The following MRPS25 variants were observed in gnomAD, a reference collection of about 807,000 sequenced individuals.
MRPS25 encodes mitochondrial ribosomal protein S25.
MRPS25 carries 15 observed loss-of-function variants against 17.3 expected under a neutral mutation model. That is an observed-to-expected ratio of 0.87 (90% confidence interval 0.58 to 1.34). MRPS25 has a LOEUF of 1.34. MRPS25 is among the 40% of genes most tolerant of loss of function. The pLI is 0.00. For missense variants in MRPS25, 225 were observed against 218.6 expected (o/e 1.03, Z -0.19); for synonymous variants, 94 against 83.3 (o/e 1.13, Z -0.70).
chr3:15,052,467 C>T lies in MRPS25; in HGVS notation c.496G>A (p.Ala166Thr), dbSNP rs750455782. 15 of 1,613,896 alleles carry T rather than the reference C, an allele frequency of 9.3e-6. No homozygotes were observed. Among genetic ancestry groups the T allele is most frequent in the Admixed American group, 5.0e-5 (3 of 60,008 alleles). ...PKEMRGKYKA[A>T]LKADAQD ...TAGTCCTGGGCATCGGCTTTCAGAG[C>T]GGCTTTGTACTTCCCCCTCATCTCC... The change falls in exon 4 of 4, where the codon GCT becomes ACT. Residue 166 changes from alanine (A) to threonine (T), a missense_variant. Coordinates refer to ENST00000253686, the MANE Select transcript of MRPS25 (RefSeq NM_022497.5).
intron 2 of MRPS25, among the ~76,000 whole-genome samples, chr3:15,058,283 A>G (rs1167682478): frequency 2.6e-5 from 4 of 151,918 alleles, no homozygotes; most frequent in South Asian, 2.1e-4. Context: ...TCCGCCTCCC[A>G]GGTTCACACC....
intron 1 of MRPS25, among the ~76,000 whole-genome samples, chr3:15,064,014 G>A (rs966005584): frequency 6.6e-6 from 1 of 152,178 alleles, no homozygotes; most frequent in East Asian, 1.9e-4. Flanking sequence ...ATTCACCTGC[G>A]CAGAGCAAAT....
chr3:15,054,108 T>C (rs940108529), intron 2 of MRPS25, among the ~76,000 whole-genome samples: 8 of 151,478 alleles, frequency 5.3e-5, no homozygotes, highest in African/African-American at 1.9e-4. Context: ...TACAAAAAAT[T>C]AGCTGGGAGG....
At chr3:15,054,324 AG>A (rs1382727443) in intron 2 of MRPS25, among the ~76,000 whole-genome samples, 2 of 152,266 alleles carry the variant, frequency 1.3e-5, no homozygotes, top group Non-Finnish European at 2.9e-5. Flanking sequence ...AATTCAATGA[AG>A]AAAGATAATC....
At chr3:15,061,974 G>C (rs1487161176) in intron 1 of MRPS25, among the ~76,000 whole-genome samples, 1 of 147,902 alleles carries the variant, frequency 6.8e-6, no homozygotes, top group Non-Finnish European at 1.5e-5. Flanking sequence ...GAGCCCCTCC[G>C]CCCGGCAGCC....
intron 1 of MRPS25, among the ~76,000 whole-genome samples, chr3:15,061,536 G>A (rs1190616339): frequency 6.6e-6 from 1 of 152,224 alleles, no homozygotes; most frequent in Non-Finnish European, 1.5e-5. Flanking sequence ...TGCCCAGGCT[G>A]GAGTGCAGTG....
chr3:15,046,297 T>A (rs936461341), downstream of MRPS25: 2 of 152,234 alleles, frequency 1.3e-5, no homozygotes, highest in African/African-American at 2.4e-5. Flanking sequence ...ATTGTCAGTA[T>A]TGAATGTGGA....
At position 15,049,252 on chromosome 3, in the gene MRPS25, T is replaced by C. The variant is rs1188718157; in HGVS notation, c.*3189A>G. Reference sequence around the variant, plus strand: ...TACTACCTAAATGAGGTTTATACTATTAAAAGTGAATTAAAGACTAACATG... The same window carrying C: ...TACTACCTAAATGAGGTTTATACTACTAAAAGTGAATTAAAGACTAACATG... On this transcript the variant is annotated 3_prime_UTR_variant, in exon 4 of 4. Transcript: ENST00000253686. 1 of 152,754 alleles carries C rather than the reference T, an allele frequency of 6.5e-6. No individual in the cohort carries two copies. The highest frequency in any genetic ancestry group is 2.4e-5 in the African/African-American group (1 of 41,458). 9.5% of individuals were successfully genotyped at this position (152,754 alleles called of 1,614,324 possible).
chr3:15,052,711 A>ACC, intron 3 of MRPS25, 78 bp from the exon 4 acceptor site: 1 of 1,454,294 alleles, frequency 6.9e-7, no homozygotes, highest in Non-Finnish European at 9.4e-7. Flanking sequence ...AGCCGAGACA[A>ACC]CCCCACCATC....
intron 2 of MRPS25, 97 bp downstream of exon 2, chr3:15,059,272 G>C: frequency 2.4e-6 from 2 of 835,682 alleles, no homozygotes; most frequent in South Asian, 2.9e-5. Context: ...CCATGACAGC[G>C]CACACTGCAG....
intron 2 of MRPS25, among the ~76,000 whole-genome samples, chr3:15,057,129 C>T (rs945394086): frequency 6.6e-6 from 1 of 152,226 alleles, no homozygotes; most frequent in African/African-American, 2.4e-5. Flanking sequence ...GCTGACAGCC[C>T]TGTGGAGTAC....
intron 1 of MRPS25, among the ~76,000 whole-genome samples, chr3:15,064,000 T>C (rs968023630): frequency 1.3e-5 from 2 of 152,178 alleles, no homozygotes; most frequent in Non-Finnish European, 2.9e-5. Context: ...GTCCAAGTTA[T>C]CAGATTCACC....
chr3:15,057,149 C>T (rs1464602644), intron 2 of MRPS25, among the ~76,000 whole-genome samples: 1 of 152,248 alleles, frequency 6.6e-6, no homozygotes, highest in East Asian at 1.9e-4. Context: ...CTGCTGGGAT[C>T]TGCGCAGCAC....
At chr3:15,042,773 G>C, downstream of MRPS25, 1 of 1,521,642 alleles carries the variant, frequency 6.6e-7, no homozygotes, top group South Asian at 1.2e-5. Context: ...AGGAGCCTTT[G>C]CTGAGCTGTG....
rs2042573773 is a variant in MRPS25, at chr3:15,049,669, A to C, written c.*2772T>G. 1.9e-6 allele frequency: 1 copy of C among 538,608 alleles called. No individual in the cohort carries two copies. The highest frequency in any genetic ancestry group is 3.2e-6 in the Non-Finnish European group (1 of 311,030). 33.4% of individuals were successfully genotyped at this position (538,608 alleles called of 1,614,324 possible). A position where few individuals can be genotyped will look rare whatever the true frequency, so the allele number is the denominator to read the frequency against. The stretch of plus-strand genomic sequence containing the variant: ...ATCAAGGGCAAAAACAAGCTCCAAA[A>C]GTTTCAGAAGTTAGAACATATTCAT... On this transcript the variant is annotated 3_prime_UTR_variant, in exon 4 of 4. Coordinates refer to ENST00000253686, the MANE Select transcript of MRPS25 (RefSeq NM_022497.5).
At chr3:15,063,706 C>A (rs986795638) in intron 1 of MRPS25, among the ~76,000 whole-genome samples, 1 of 152,146 alleles carries the variant, frequency 6.6e-6, no homozygotes, top group East Asian at 1.9e-4. Context: ...CAGAGATTTA[C>A]ATAAAAACCT....
At position 15,049,787 on chromosome 3, in the gene MRPS25, C is replaced by G; in HGVS notation, c.*2654G>C. 1.3e-6 allele frequency: 1 copy of G among 781,268 alleles called. No homozygotes were observed. Among genetic ancestry groups the G allele is most frequent in the Non-Finnish European group, 2.1e-6 (1 of 479,996 alleles). The allele number at this position is 781,268 out of a possible 1,614,324, so 48.4% of individuals were successfully genotyped here. On this transcript the variant is annotated 3_prime_UTR_variant, in exon 4 of 4. Transcript: ENST00000253686. The stretch of plus-strand genomic sequence containing the variant: ...TCACTGGCAGGCAGATAGGGCCTCA[C>G]TCCGTCACCCAGGCTGGAATGCAGT...
downstream of MRPS25, chr3:15,045,378 A>G (rs1264475500): frequency 6.6e-6 from 1 of 152,670 alleles, no homozygotes; most frequent in Non-Finnish European, 1.5e-5. Context: ...TGGATAAGGA[A>G]GTGTTGGGCT....
rs144609822 is a variant in MRPS25, at chr3:15,063,682, G to A, written c.134+1379C>T. 2.0e-5 allele frequency among the ~76,000 whole-genome samples: 3 copies of A among 152,302 alleles called. No individual in the cohort carries two copies. In the East Asian group the frequency reaches 5.8e-4, roughly 29 times the overall value. ...GCTCACAGGCTTATTTTGATTGGCT[G>A]GCCATTTAAAAGCCAGAGATTTACA... On this transcript the variant is annotated intron_variant, in intron 1 of 3. Transcript: ENST00000253686.
Sources: allele counts gnomAD v4.1 joint callset (sites outside exome capture counted in the v4.1 genomes callset), GRCh38; gene constraint gnomAD v4.1.1; transcripts MANE v1.5; gene names NCBI Gene and HGNC (gene_info 2026-07-23, HGNC 2026-07-21).